The following AUTS2 variants were observed in gnomAD, a reference collection of about 807,000 sequenced individuals.
AUTS2 encodes activator of transcription and developmental regulator AUTS2.
Under a neutral mutation model 112.4 loss-of-function variants are expected in AUTS2, and 17 were observed. The ratio of observed to expected loss-of-function variants is 0.15; its 90% CI spans 0.10 to 0.23. AUTS2 has a LOEUF of 0.23. AUTS2 is among the 10% of genes least tolerant of loss of function. The probability of loss-of-function intolerance (pLI) is 1.00; values close to 1 mark genes in which losing one functional copy is unlikely to be tolerated. For synonymous variants in AUTS2, 751 were observed against 702.7 expected (o/e 1.07, Z -1.09); for missense variants, 1,510 against 1,701.6 (o/e 0.89, Z 1.98).
At chr7:69,859,294 G>A (rs962136938) in intron 1 of AUTS2, among the ~76,000 whole-genome samples, 2 of 152,208 alleles carry the variant, frequency 1.3e-5, no homozygotes, top group African/African-American at 4.8e-5. Flanking sequence ...GAGGTGAATA[G>A]ATGGTATATG....
chr7:70,589,299 G>C (rs1802828737), intron 5 of AUTS2, among the ~76,000 whole-genome samples: 1 of 152,236 alleles, frequency 6.6e-6, no homozygotes, highest in South Asian at 2.1e-4. Context: ...GCCCTCCCAG[G>C]GGGCGAAGTG....
intron 2 of AUTS2, among the ~76,000 whole-genome samples, chr7:69,918,076 C>T (rs1165161462): frequency 1.3e-5 from 2 of 152,088 alleles, no homozygotes; most frequent in African/African-American, 2.4e-5. Context: ...TTCCTGACCT[C>T]GTGATCCACC....
intron 2 of AUTS2, among the ~76,000 whole-genome samples, chr7:70,109,173 G>A (rs935980277): frequency 6.6e-5 from 10 of 152,136 alleles, no homozygotes; most frequent in African/African-American, 2.2e-4. Flanking sequence ...TTTAAAAACA[G>A]AAAATCATAA....
At chr7:69,795,919 C>T (rs1789821341) in intron 1 of AUTS2, among the ~76,000 whole-genome samples, 1 of 152,152 alleles carries the variant, frequency 6.6e-6, no homozygotes, top group Non-Finnish European at 1.5e-5. Flanking sequence ...TTAGGCATGC[C>T]TGCCTGTTCT....
chr7:70,488,626 C>T (rs556937434), intron 5 of AUTS2, among the ~76,000 whole-genome samples: 89 of 152,254 alleles, frequency 5.8e-4, no homozygotes, highest in Middle Eastern at 6.8e-3. Flanking sequence ...AACCCTTTCT[C>T]TGGATCTCAC....
chr7:70,371,597 T>C (rs1792840803), intron 4 of AUTS2, among the ~76,000 whole-genome samples: 1 of 152,268 alleles, frequency 6.6e-6, no homozygotes, highest in East Asian at 1.9e-4. Context: ...GTTCCTTCAT[T>C]TTTTTCCCAT....
intron 5 of AUTS2, among the ~76,000 whole-genome samples, chr7:70,685,125 C>G (rs1202642464): frequency 6.6e-6 from 1 of 152,082 alleles, no homozygotes; most frequent in Non-Finnish European, 1.5e-5. Flanking sequence ...TAGCAGCAGT[C>G]TTTCCCTGGG....
chr7:69,629,150 A>G (rs1794105977), intron 1 of AUTS2, among the ~76,000 whole-genome samples: 1 of 151,262 alleles, frequency 6.6e-6, no homozygotes, highest in Non-Finnish European at 1.5e-5. Flanking sequence ...CAAGCAAGAC[A>G]CTTTTGGGCC....
intron 2 of AUTS2, among the ~76,000 whole-genome samples, chr7:70,005,650 T>C (rs1799515046): frequency 6.6e-6 from 1 of 152,060 alleles, no homozygotes; most frequent in South Asian, 2.1e-4. Context: ...GGAACCCACC[T>C]GGATCTTAAA....
intron 1 of AUTS2, among the ~76,000 whole-genome samples, chr7:69,612,208 G>A (rs1793077707): frequency 6.6e-6 from 1 of 152,068 alleles, no homozygotes; most frequent in African/African-American, 2.4e-5. Context: ...TTAGTTTTGG[G>A]GGTATTTCAT....
chr7:69,915,742 A>ATTTT (rs1795550597), intron 2 of AUTS2, among the ~76,000 whole-genome samples: 1 of 152,176 alleles, frequency 6.6e-6, no homozygotes, highest in South Asian at 2.1e-4. Context: ...TTATTTATTT[A>ATTTT]TTGAGACGGA....
At chr7:69,784,580 C>G (rs991760887) in intron 1 of AUTS2, among the ~76,000 whole-genome samples, 1 of 152,088 alleles carries the variant, frequency 6.6e-6, no homozygotes, top group African/African-American at 2.4e-5. Context: ...TCTGTTATTT[C>G]TTTAAGAGGA....
intron 5 of AUTS2, among the ~76,000 whole-genome samples, chr7:70,696,747 CTT>C (rs767005980): frequency 1.3e-5 from 2 of 152,114 alleles, no homozygotes; most frequent in African/African-American, 2.4e-5. Flanking sequence ...CCTGTTTATG[CTT>C]TTTGCATTCA....
At chr7:70,146,258 T>C (rs1480272602) in intron 4 of AUTS2, among the ~76,000 whole-genome samples, 2 of 152,038 alleles carry the variant, frequency 1.3e-5, no homozygotes, top group African/African-American at 2.4e-5. Flanking sequence ...TTAGTACTTT[T>C]AGTGGGGAAA....
At chr7:70,132,947 T>C (rs1806356362) in intron 3 of AUTS2, among the ~76,000 whole-genome samples, 1 of 152,168 alleles carries the variant, frequency 6.6e-6, no homozygotes, top group African/African-American at 2.4e-5. Context: ...GCTTTTGCTT[T>C]CTTCTGCTGC....
At chr7:70,420,821 A>G (rs1005924037) in intron 4 of AUTS2, among the ~76,000 whole-genome samples, 5 of 152,238 alleles carry the variant, frequency 3.3e-5, no homozygotes, top group Non-Finnish European at 5.9e-5. Flanking sequence ...AGGGATGGAC[A>G]GGTTCACTGT....
intron 1 of AUTS2, among the ~76,000 whole-genome samples, chr7:69,619,077 C>T (rs1438223590): frequency 6.6e-6 from 1 of 152,108 alleles, no homozygotes; most frequent in Non-Finnish European, 1.5e-5. Context: ...TTCTCAGATG[C>T]CTGGTACCAA....
At chr7:69,601,312 A>G (rs1201422181) in intron 1 of AUTS2, among the ~76,000 whole-genome samples, 1 of 149,514 alleles carries the variant, frequency 6.7e-6, no homozygotes, top group Non-Finnish European at 1.5e-5. Context: ...TTTTTGCGTT[A>G]TTATGGTATT....
intron 2 of AUTS2, among the ~76,000 whole-genome samples, chr7:69,936,008 A>G (rs565055371): frequency 6.6e-6 from 1 of 152,352 alleles, no homozygotes; most frequent in South Asian, 2.1e-4. Flanking sequence ...TTTGTGCGGC[A>G]GGGAATAATA....
Sources: gnomAD v4.1 joint callset for allele counts (sites outside exome capture counted in the v4.1 genomes callset) on GRCh38, gnomAD v4.1.1 for gene constraint, MANE v1.5 for transcripts, NCBI Gene and HGNC (gene_info 2026-07-23, HGNC 2026-07-21) for gene names.